TTLL5: variants seen among roughly 807,000 people sequenced by gnomAD.
TTLL5 encodes tubulin tyrosine ligase like 5.
A neutral mutation model predicts 168.4 loss-of-function variants in TTLL5; 132 were observed. That is an observed-to-expected ratio of 0.78 (90% CI 0.68 to 0.91). TTLL5 has a LOEUF of 0.91. Ranked by LOEUF, TTLL5 falls within the 40% of genes least tolerant of loss-of-function variation. The pLI is 0.00. For missense variants in TTLL5, 1,545 were observed against 1,581.5 expected (o/e 0.98, Z 0.39); for synonymous variants, 546 against 558.6 (o/e 0.98, Z 0.32).
In TTLL5 at chr14:75,713,409, T is replaced by C. The variant is rs146088961; in HGVS notation, c.741-4452T>C. ...CCTAGGTGTGTAGTAGGCTATACCATCCAGGTTTGTGTAAATACGCTCTAT... is the reference window on the plus strand; with the variant it reads ...CCTAGGTGTGTAGTAGGCTATACCACCCAGGTTTGTGTAAATACGCTCTAT... On this transcript the variant is annotated intron_variant, in intron 9 of 31. Coordinates refer to ENST00000298832, the MANE Select transcript of TTLL5 (RefSeq NM_015072.5). Among the ~76,000 whole-genome samples, 3 of 152,344 alleles carry C rather than the reference T, an allele frequency of 2.0e-5. No homozygotes were observed. In the East Asian group the frequency reaches 5.8e-4, roughly 29 times the overall value.
chr14:75,766,136 A>G lies in TTLL5; in HGVS notation c.1783A>G (p.Asn595Asp). 6.2e-7 allele frequency: 1 copy of G among 1,614,080 alleles called. No homozygotes were observed. The highest frequency in any genetic ancestry group is 8.5e-7 in the Non-Finnish European group (1 of 1,179,994). The change falls in exon 20 of 32, where the codon AAT becomes GAT. Residue 595 changes from asparagine (N) to aspartate (D), a missense_variant. Physicochemically the swap from Asn to Asp is conservative, Grantham distance 23. Coordinates refer to ENST00000298832, the MANE Select transcript of TTLL5 (RefSeq NM_015072.5). Reference sequence around the variant, plus strand: ...AGAGGAGGAAGAAGTCGCATTAGATAATGAAGATGAAGAACAGGAGGCTTC... The same window carrying G: ...AGAGGAGGAAGAAGTCGCATTAGATGATGAAGATGAAGAACAGGAGGCTTC... ...SEEEEEVALD[N>D]EDEEQEASQE...
intron 6 of TTLL5, among the ~76,000 whole-genome samples, chr14:75,694,595 A>C (rs1885700190): frequency 6.6e-6 from 1 of 152,120 alleles, no homozygotes; most frequent in African/African-American, 2.4e-5. Context: ...CGGCCTCCCA[A>C]ATTGCTGGGA....
At chr14:75,719,639 A>AG in intron 10 of TTLL5, 96 bp from the exon 11 acceptor site, 5 of 1,110,266 alleles carry the variant, frequency 4.5e-6, no homozygotes, top group Non-Finnish European at 4.9e-6. Flanking sequence ...TAAAAAAAAA[A>AG]CTTTTTAAAA....
At chr14:75,776,723 C>T (rs765662267) in intron 22 of TTLL5, 24 bp from the exon 23 acceptor site, 1 of 1,579,548 alleles carries the variant, frequency 6.3e-7, no homozygotes, top group Non-Finnish European at 8.7e-7. Flanking sequence ...TGTTGTTTTT[C>T]TGTGGGGTTT....
At chr14:75,739,439 CTG>C (rs1179218420) in intron 15 of TTLL5, among the ~76,000 whole-genome samples, 1 of 148,698 alleles carries the variant, frequency 6.7e-6, no homozygotes, top group African/African-American at 2.4e-5. Context: ...ACCAGTTAGA[CTG>C]TGTCAAGCTT....
intron 29 of TTLL5, among the ~76,000 whole-genome samples, chr14:75,879,697 G>A (rs974736269): frequency 6.6e-6 from 1 of 152,148 alleles, no homozygotes; most frequent in Non-Finnish European, 1.5e-5. Flanking sequence ...AAGTGACAAG[G>A]CCTACATTTG....
At chr14:75,885,497 C>A (rs8008572) in intron 30 of TTLL5, among the ~76,000 whole-genome samples, 1 of 152,064 alleles carries the variant, frequency 6.6e-6, no homozygotes, top group Non-Finnish European at 1.5e-5. Context: ...AGAGTTCTCA[C>A]GTACCACTTG....
intron 12 of TTLL5, among the ~76,000 whole-genome samples, chr14:75,722,956 G>C (rs189130537): frequency 4.6e-5 from 7 of 152,264 alleles, no homozygotes; most frequent in South Asian, 2.1e-4. Flanking sequence ...TGCTCCCAGA[G>C]TTAGCCTGCT....
chr14:75,871,832 A>G (rs2031060047), intron 29 of TTLL5, among the ~76,000 whole-genome samples: 1 of 152,254 alleles, frequency 6.6e-6, no homozygotes, highest in South Asian at 2.1e-4. Flanking sequence ...TATGCACAGT[A>G]AACCAACCAT....
chr14:75,914,031 A>ATATAT (rs1375194323), intron 31 of TTLL5, among the ~76,000 whole-genome samples: 7 of 77,296 alleles, frequency 9.1e-5, no homozygotes, highest in South Asian at 5.0e-4. Context: ...AAAAAAAAAA[A>ATATAT]AAATATATAT....
chr14:75,846,717 G>A (rs1396995652), intron 28 of TTLL5, among the ~76,000 whole-genome samples: 3 of 151,552 alleles, frequency 2.0e-5, no homozygotes, highest in Non-Finnish European at 4.4e-5. Flanking sequence ...TTGAACCTGG[G>A]AGGCGGAGGT....
chr14:75,928,367 A>ATATATATATC (rs900278672), intron 31 of TTLL5, among the ~76,000 whole-genome samples: 1 of 140,100 alleles, frequency 7.1e-6, no homozygotes, highest in East Asian at 2.1e-4. Context: ...ATATATATAT[A>ATATATATATC]TCACTGTATT....
chr14:75,929,970 T>C (rs2034220378), intron 31 of TTLL5, among the ~76,000 whole-genome samples: 2 of 152,194 alleles, frequency 1.3e-5, no homozygotes, highest in East Asian at 1.9e-4. Flanking sequence ...AAAATAATTT[T>C]ATATATGGCA....
Position 75,844,128 on chromosome 14 carries a change from G to A in TTLL5, c.3327-19539G>A, listed in dbSNP as rs577949983. 3.3e-5 allele frequency among the ~76,000 whole-genome samples: 5 copies of A among 151,884 alleles called. No homozygotes were observed. The East Asian group carries it at 7.7e-4, about 23-fold the overall frequency. On this transcript the variant is annotated intron_variant, in intron 28 of 31. Transcript: ENST00000298832. ...GAACTCCTGACCTCATGATCCGCCC[G>A]CCTCAGCCTCCCAAAGTGCTGGGAT...
chr14:75,915,005 G>A (rs2033563739), intron 31 of TTLL5, among the ~76,000 whole-genome samples: 1 of 152,188 alleles, frequency 6.6e-6, no homozygotes, highest in South Asian at 2.1e-4. Context: ...TCAGTATGAA[G>A]ATGTTCCATT....
chr14:75,914,033 A>AAAAAATATATATAT, intron 31 of TTLL5, among the ~76,000 whole-genome samples: 33 of 71,092 alleles, frequency 4.6e-4, no homozygotes, highest in African/African-American at 1.4e-3. Context: ...AAAAAAAAAA[A>AAAAAATATATATAT]ATATATATAT....
At chr14:75,747,723 C>G (rs1889698686) in intron 17 of TTLL5, among the ~76,000 whole-genome samples, 1 of 152,222 alleles carries the variant, frequency 6.6e-6, no homozygotes, top group South Asian at 2.1e-4. Context: ...TCTTTTCATT[C>G]TGTCTGGTGG....
At chr14:75,742,303 C>T (rs1441927052) in intron 15 of TTLL5, among the ~76,000 whole-genome samples, 2 of 152,038 alleles carry the variant, frequency 1.3e-5, no homozygotes, top group Non-Finnish European at 2.9e-5. Context: ...TCTCTCTTTA[C>T]GTAATTTGAG....
At chr14:75,701,834 T>C (rs1886298027) in intron 7 of TTLL5, among the ~76,000 whole-genome samples, 4 of 152,330 alleles carry the variant, frequency 2.6e-5, no homozygotes, top group Admixed American at 1.3e-4. Context: ...GTCACTCTTA[T>C]CTCTTTTGGA....
Sources: allele counts gnomAD v4.1 joint callset (sites outside exome capture counted in the v4.1 genomes callset), GRCh38; gene constraint gnomAD v4.1.1; transcripts MANE v1.5; gene names NCBI Gene and HGNC (gene_info 2026-07-23, HGNC 2026-07-21).